CLSTN2: variants seen among roughly 807,000 people sequenced by gnomAD.
CLSTN2 encodes the protein calsyntenin 2.
Under a neutral mutation model 101.2 loss-of-function variants are expected in CLSTN2, and 48 were observed. That is an observed-to-expected ratio of 0.47 (90% CI 0.38 to 0.60). The LOEUF is 0.60. Among genes scored for constraint, CLSTN2 ranks in the 20% least tolerant of loss-of-function variants. The pLI is 0.00. For missense variants in CLSTN2, 1,160 were observed against 1,238.2 expected (o/e 0.94, Z 0.95); for synonymous variants, 481 against 463.6 (o/e 1.04, Z -0.48).
At position 140,448,639 on chromosome 3, in the gene CLSTN2, C is replaced by T; in HGVS notation, c.908C>T (p.Thr303Ile). The T allele has an allele frequency of 6.2e-7, 1 of 1,614,122 alleles. No homozygotes were observed. Among genetic ancestry groups the T allele is most frequent in the Non-Finnish European group, 8.5e-7 (1 of 1,180,000 alleles). The change falls in exon 6 of 17, where the codon ACT (threonine) becomes ATT (isoleucine). Residue 303 changes from threonine (T) to isoleucine (I), a missense_variant. Physicochemically the swap from Thr to Ile is moderately conservative, Grantham distance 89. Transcript: ENST00000458420. Reference protein sequence around the residue: ...SSLQIVTELQTNYIGKGCDRE... With the variant: ...SSLQIVTELQINYIGKGCDRE... ...CTCCAGATCGTCACAGAGCTGCAGA[C>T]TAATTACATTGGGAAGGGTTGTGAC...
At chr3:140,442,864 A>G (rs970856384) in intron 5 of CLSTN2, among the ~76,000 whole-genome samples, 3 of 151,478 alleles carry the variant, frequency 2.0e-5, no homozygotes, top group African/African-American at 7.3e-5. Flanking sequence ...TTCCTGACTC[A>G]CCCCCAATTC....
intron 2 of CLSTN2, among the ~76,000 whole-genome samples, chr3:140,306,529 A>AT (rs2087115464): frequency 6.6e-6 from 1 of 152,216 alleles, no homozygotes; most frequent in Admixed American, 6.5e-5. Flanking sequence ...AGGCAGACTG[A>AT]TCTCCTGATC....
chr3:140,405,013 A>C (rs1011875174), intron 4 of CLSTN2, among the ~76,000 whole-genome samples: 1 of 152,140 alleles, frequency 6.6e-6, no homozygotes, highest in African/African-American at 2.4e-5. Flanking sequence ...TAGTCTGTAC[A>C]ACTCACAGTG....
intron 1 of CLSTN2, among the ~76,000 whole-genome samples, chr3:139,999,698 C>A (rs2006775518): frequency 6.6e-6 from 1 of 152,128 alleles, no homozygotes; most frequent in Non-Finnish European, 1.5e-5. Flanking sequence ...TGGAGACAGA[C>A]AATTTGGTCT....
At chr3:140,155,774 C>T (rs909440626) in intron 1 of CLSTN2, among the ~76,000 whole-genome samples, 2 of 152,190 alleles carry the variant, frequency 1.3e-5, no homozygotes, top group African/African-American at 2.4e-5. Flanking sequence ...CAGCTTCCCT[C>T]GTCAAAGACT....
chr3:140,115,875 G>A (rs2009232945), intron 1 of CLSTN2, among the ~76,000 whole-genome samples: 1 of 152,224 alleles, frequency 6.6e-6, no homozygotes, highest in African/African-American at 2.4e-5. Context: ...ACATAGAAGA[G>A]CTTCTGAGGT....
At chr3:139,941,630 G>T (rs568107268) in intron 1 of CLSTN2, among the ~76,000 whole-genome samples, 143 of 152,258 alleles carry the variant, frequency 9.4e-4, no homozygotes, top group African/African-American at 3.3e-3. Flanking sequence ...ATAGAGGTCA[G>T]GAAAGACTTA....
At chr3:140,365,165 G>A (rs1215266437) in intron 2 of CLSTN2, among the ~76,000 whole-genome samples, 1 of 152,170 alleles carries the variant, frequency 6.6e-6, no homozygotes, top group Non-Finnish European at 1.5e-5. Context: ...CTAGGCTAGG[G>A]AGAGCAAGGA....
intron 2 of CLSTN2, among the ~76,000 whole-genome samples, chr3:140,397,112 AAG>A (rs1332827161): frequency 2.0e-5 from 3 of 152,182 alleles, no homozygotes; most frequent in Admixed American, 6.5e-5. Context: ...TTGACAAAAA[AAG>A]ATATATTTTT....
intron 1 of CLSTN2, among the ~76,000 whole-genome samples, chr3:140,121,742 G>T (rs1358988975): frequency 6.6e-6 from 1 of 152,182 alleles, no homozygotes. Context: ...ATGAGGCTTG[G>T]CTTAGGTGCT....
chr3:140,011,001 A>T (rs2007061966), intron 1 of CLSTN2, among the ~76,000 whole-genome samples: 1 of 152,268 alleles, frequency 6.6e-6, no homozygotes, highest in South Asian at 2.1e-4. Flanking sequence ...GAGGGGTGGA[A>T]TCTGAGCTGG....
chr3:140,075,930 TGTA>T (rs1211512969), intron 1 of CLSTN2, among the ~76,000 whole-genome samples: 1 of 151,968 alleles, frequency 6.6e-6, no homozygotes, highest in East Asian at 1.9e-4. Flanking sequence ...AAAAAAAAAT[TGTA>T]GTAAGAACAC....
chr3:140,179,199 A>G (rs2010369897), intron 2 of CLSTN2, among the ~76,000 whole-genome samples: 1 of 152,212 alleles, frequency 6.6e-6, no homozygotes, highest in African/African-American at 2.4e-5. Context: ...TATTTATTGT[A>G]GAAACTGTGG....
intron 2 of CLSTN2, among the ~76,000 whole-genome samples, chr3:140,364,019 C>T (rs2087758344): frequency 6.6e-6 from 1 of 152,212 alleles, no homozygotes; most frequent in South Asian, 2.1e-4. Flanking sequence ...CACACACTCC[C>T]TGTGCGTTTA....
intron 1 of CLSTN2, among the ~76,000 whole-genome samples, chr3:139,949,045 T>C (rs1935253420): frequency 6.6e-6 from 1 of 152,096 alleles, no homozygotes; most frequent in Non-Finnish European, 1.5e-5. Flanking sequence ...CACTGCTCTG[T>C]CTCCTCCTAT....
In CLSTN2 at chr3:140,364,881, G is replaced by A. The variant is rs534569624; in HGVS notation, c.233-38748G>A. 1.2e-4 allele frequency among the ~76,000 whole-genome samples: 19 copies of A among 152,328 alleles called. No homozygotes were observed. In the South Asian group the frequency reaches 3.9e-3, roughly 32 times the overall value. ...TTGGGCACACATTAGAATCACAGTG[G>A]TGAATGAGAGAGACAGGTTCCTGTT... On this transcript the variant is annotated intron_variant, in intron 2 of 16. Transcript: ENST00000458420.
intron 12 of CLSTN2, among the ~76,000 whole-genome samples, chr3:140,560,349 GCA>G (rs1317330073): frequency 6.6e-6 from 1 of 152,132 alleles, no homozygotes; most frequent in African/African-American, 2.4e-5. Context: ...CCCCCAACAT[GCA>G]CACACACACG....
At chr3:140,559,570 G>A (rs1198806546) in intron 12 of CLSTN2, among the ~76,000 whole-genome samples, 1 of 139,870 alleles carries the variant, frequency 7.1e-6, no homozygotes, top group Non-Finnish European at 1.6e-5. Flanking sequence ...AGGGGGGCGG[G>A]GAAGGGAAAG....
intron 2 of CLSTN2, among the ~76,000 whole-genome samples, chr3:140,292,322 C>T (rs902781122): frequency 6.6e-6 from 1 of 152,210 alleles, no homozygotes; most frequent in African/African-American, 2.4e-5. Context: ...AATATCCTGC[C>T]CAAAATATCT....
Sources: gnomAD v4.1 joint callset for allele counts (sites outside exome capture counted in the v4.1 genomes callset) on GRCh38, gnomAD v4.1.1 for gene constraint, MANE v1.5 for transcripts, NCBI Gene and HGNC (gene_info 2026-07-23, HGNC 2026-07-21) for gene names.